The following MARF1 variants were observed in gnomAD, a reference collection of about 807,000 sequenced individuals.
MARF1 encodes the protein meiosis regulator and mRNA stability factor 1, also known as limkain-b1.
Under a neutral mutation model 168.2 loss-of-function variants are expected in MARF1, and 24 were observed. The ratio of observed to expected loss-of-function variants is 0.14; its 90% confidence interval spans 0.10 to 0.20. The LOEUF is 0.20. MARF1 is among the 10% of genes least tolerant of loss of function. MARF1 has a pLI of 1.00. For synonymous variants in MARF1, 868 were observed against 822.4 expected (o/e 1.06, Z -0.95); for missense variants, 1,744 against 2,143.6 (o/e 0.81, Z 3.68).
chr16:15,610,889 G>T, intron 19 of MARF1, 86 bp downstream of exon 19: 1 of 1,324,254 alleles, frequency 7.6e-7, no homozygotes. Flanking sequence ...CACGGACAGG[G>T]AGGGAAAACC....
At chr16:15,618,656 T>C (rs142912341) in intron 13 of MARF1, among the ~76,000 whole-genome samples, 156 of 152,276 alleles carry the variant, frequency 1.0e-3, no homozygotes, top group Non-Finnish European at 1.9e-3. Context: ...TCCTGCCCTC[T>C]ATTTCTCCTT....
chr16:15,633,602 A>ATT lies in MARF1; in HGVS notation c.1233+13_1233+14dup. ...CTCTACTGTAGATTAAAATTATTAA[A>ATT]TTTTTTTTTTTTACCTGGCAATTAT... On this transcript the variant is annotated intron_variant, in intron 5 of 26. Transcript: ENST00000396368. The ATT allele has an allele frequency of 2.0e-5, 27 of 1,318,980 alleles. No homozygotes were observed. The highest frequency in any genetic ancestry group is 2.7e-5 in the Non-Finnish European group (26 of 952,058). The allele number at this position is 1,318,980 out of a possible 1,614,324, so 81.7% of individuals were successfully genotyped here.
intron 12 of MARF1, 64 bp downstream of exon 12, chr16:15,621,669 A>G: frequency 6.8e-7 from 1 of 1,468,262 alleles, no homozygotes; most frequent in South Asian, 1.2e-5. Flanking sequence ...TATTTTTATT[A>G]TTTCTAAAAT....
Position 15,620,650 on chromosome 16 carries a change from T to C in MARF1, c.2640-119A>G, listed in dbSNP as rs565795603. 163 of 629,392 alleles carry C rather than the reference T, an allele frequency of 2.6e-4. No homozygotes were observed. The African/African-American group carries it at 2.9e-3, about 11-fold the overall frequency. 39.0% of individuals were successfully genotyped at this position (629,392 alleles called of 1,614,324 possible). The stretch of plus-strand genomic sequence containing the variant: ...AAAATAAATTTACGGATTTCTGGTA[T>C]GTCAGAATGTATTTTCCAGAAAAAT... On this transcript the variant is annotated intron_variant, in intron 12 of 26. Coordinates refer to ENST00000396368, the MANE Select transcript of MARF1 (RefSeq NM_014647.4).
Position 15,609,577 on chromosome 16 carries a change from G to A in MARF1, c.3900C>T (p.Tyr1300=), listed in dbSNP as rs1352943687. 1 of 1,614,152 alleles carries A rather than the reference G, an allele frequency of 6.2e-7. No homozygotes were observed. The highest frequency in any genetic ancestry group is 8.5e-7 in the Non-Finnish European group (1 of 1,180,012). ...GTTCAAGTAGTTTGGTAAACCCATA[G>A]TACGCAAGTTTGCACTGCCGGCCAA... The part of the protein sequence containing the change: ...HHFGRQCKLA[Y]YGFTKLLELF... The change falls in exon 20 of 27, where the codon TAC becomes TAT. Residue 1300 remains tyrosine (Y), a synonymous_variant. Coordinates refer to ENST00000396368, the MANE Select transcript of MARF1 (RefSeq NM_014647.4).
chr16:15,599,539 TAA>T (rs1321238539), intron 25 of MARF1, among the ~76,000 whole-genome samples: 2 of 152,182 alleles, frequency 1.3e-5, no homozygotes, highest in South Asian at 4.1e-4. Flanking sequence ...GGGCGCTTCA[TAA>T]AACGTCAAAT....
chr16:15,638,637 G>C (rs1318488402), intron 2 of MARF1, among the ~76,000 whole-genome samples: 1 of 151,902 alleles, frequency 6.6e-6, no homozygotes, highest in East Asian at 1.9e-4. Context: ...AGAAGTTAGA[G>C]ACATAAATGT....
At chr16:15,599,270 C>A in intron 25 of MARF1, 1 of 531,108 alleles carries the variant, frequency 1.9e-6, no homozygotes, top group South Asian at 2.6e-5. Flanking sequence ...GAACACTGGC[C>A]CCTCAAAAGA....
At chr16:15,639,506 T>C (rs944346147) in intron 1 of MARF1, among the ~76,000 whole-genome samples, 1 of 152,180 alleles carries the variant, frequency 6.6e-6, no homozygotes, top group Non-Finnish European at 1.5e-5. Flanking sequence ...GTTCAAGCGA[T>C]TTTTCTGCCT....
At chr16:15,623,150 ATTT>A (rs1567566674) in intron 10 of MARF1, 27 bp from the exon 11 acceptor site, 1 of 1,519,034 alleles carries the variant, frequency 6.6e-7, no homozygotes, top group Non-Finnish European at 8.9e-7. Flanking sequence ...TATTGACATT[ATTT>A]TAAAAAACTG....
At chr16:15,623,787 ACCT>A (rs2034636762) in intron 10 of MARF1, among the ~76,000 whole-genome samples, 1 of 152,016 alleles carries the variant, frequency 6.6e-6, no homozygotes, top group South Asian at 2.1e-4. Context: ...AAGGCGTCTA[ACCT>A]CCTCTGTGTC....
At chr16:15,638,003 C>T (rs1233963744) in intron 2 of MARF1, among the ~76,000 whole-genome samples, 1 of 151,646 alleles carries the variant, frequency 6.6e-6, no homozygotes, top group African/African-American at 2.4e-5. Context: ...CCCATCTCTA[C>T]TAAAATACAA....
chr16:15,621,987 G>A, intron 11 of MARF1, 76 bp from the exon 12 acceptor site: 4 of 1,383,712 alleles, frequency 2.9e-6, no homozygotes, highest in South Asian at 1.3e-5. Flanking sequence ...GGTGAACCAT[G>A]AAGGAACACA....
intron 16 of MARF1, among the ~76,000 whole-genome samples, chr16:15,614,481 CAAAAAAA>C (rs59862823): frequency 4.2e-5 from 2 of 47,666 alleles, no homozygotes; most frequent in African/African-American, 1.8e-4. Flanking sequence ...GACTCCGTCT[CAAAAAAA>C]AAAAAAAAAA....
rs747004101 is a variant in MARF1 at position 15,634,941 on chromosome 16, AT to A, written c.832-11del. 1.9e-6 allele frequency: 3 copies of A among 1,608,428 alleles called. No homozygotes were observed. The highest frequency in any genetic ancestry group is 1.7e-5 in the Admixed American group (1 of 59,016). ...TGCTATTTCTTGCTGGCTGTTTTAA[AT>A]TTTTTTTAAAAAGGAGGAGGTGTCA... On this transcript the variant is annotated splice_polypyrimidine_tract_variant and intron_variant, in intron 3 of 26. Transcript: ENST00000396368.
At chr16:15,641,674 G>A (rs1304887601) in intron 1 of MARF1, among the ~76,000 whole-genome samples, 1 of 152,176 alleles carries the variant, frequency 6.6e-6, no homozygotes, top group Non-Finnish European at 1.5e-5. Flanking sequence ...CTGTGAAATA[G>A]ACAGGGGAGA....
chr16:15,619,346 A>G (rs1393207799), intron 13 of MARF1, among the ~76,000 whole-genome samples: 3 of 152,214 alleles, frequency 2.0e-5, no homozygotes, highest in Non-Finnish European at 4.4e-5. Flanking sequence ...ACATTTTGAC[A>G]TTTCTGTAAC....
chr16:15,623,907 T>C (rs1005333851), intron 10 of MARF1, among the ~76,000 whole-genome samples: 21 of 150,462 alleles, frequency 1.4e-4, no homozygotes, highest in Admixed American at 1.1e-3. Context: ...ATAGTCACTT[T>C]CTCTTTTTTT....
At chr16:15,638,474 T>G (rs2035739756) in intron 2 of MARF1, among the ~76,000 whole-genome samples, 1 of 151,540 alleles carries the variant, frequency 6.6e-6, no homozygotes, top group South Asian at 2.1e-4. Context: ...TAATCCCAGC[T>G]ACTGAGGAGG....
Sources: gnomAD v4.1 joint callset for allele counts (sites outside exome capture counted in the v4.1 genomes callset) on GRCh38, gnomAD v4.1.1 for gene constraint, MANE v1.5 for transcripts, NCBI Gene and HGNC (gene_info 2026-07-23, HGNC 2026-07-21) for gene names.